GNG7: variants seen among roughly 807,000 people sequenced by gnomAD.
GNG7 encodes the protein guanine nucleotide-binding protein G(I)/G(S)/G(O) subunit gamma-7.
GNG7 carries 1 observed loss-of-function variant against 4.0 expected under a neutral mutation model. The ratio of observed to expected loss-of-function variants is 0.25; its 90% confidence interval spans 0.09 to 1.18. The LOEUF is 1.18. Ranked by LOEUF, GNG7 falls within the 50% of genes most tolerant of loss-of-function variation. GNG7 has a pLI of 0.50. For missense variants in GNG7, 86 were observed against 91.9 expected, an observed-to-expected ratio of 0.94 and a Z score of 0.26; for synonymous variants, 34 against 36.9, an observed-to-expected ratio of 0.92 and a Z score of 0.29.
intron 3 of GNG7, among the ~76,000 whole-genome samples, chr19:2,523,805 C>T (rs555747935): frequency 6.6e-6 from 1 of 152,236 alleles, no homozygotes; most frequent in East Asian, 1.9e-4. Context: ...TGTGACTCCA[C>T]GGCGATCTCA....
intron 2 of GNG7, among the ~76,000 whole-genome samples, chr19:2,636,913 C>T (rs573901133): frequency 1.7e-4 from 26 of 151,890 alleles, no homozygotes; most frequent in Non-Finnish European, 3.2e-4. Flanking sequence ...AACCCAACTA[C>T]GCACACCTGC....
chr19:2,582,563 G>A (rs1980532726), intron 2 of GNG7, among the ~76,000 whole-genome samples: 1 of 151,126 alleles, frequency 6.6e-6, no homozygotes, highest in Non-Finnish European at 1.5e-5. Context: ...CCTCACTGCA[G>A]CTTGGACTTC....
intron 1 of GNG7, among the ~76,000 whole-genome samples, chr19:2,663,728 A>C (rs1405470488): frequency 6.6e-6 from 1 of 152,224 alleles, no homozygotes. Flanking sequence ...AAAATGATTC[A>C]TTTTGGCATT....
chr19:2,587,259 C>T (rs892868512), intron 2 of GNG7, among the ~76,000 whole-genome samples: 3 of 152,250 alleles, frequency 2.0e-5, no homozygotes, highest in Non-Finnish European at 2.9e-5. Context: ...GGGTCTCTGC[C>T]TGGACCGAAG....
rs192071092 is a variant in GNG7 at position 2,565,741 on chromosome 19, T to A, written c.-77-10553A>T. 1.2e-4 allele frequency among the ~76,000 whole-genome samples: 19 copies of A among 152,240 alleles called. 1 individual carries two copies. Among genetic ancestry groups the A allele is most frequent in the African/African-American group, 4.6e-4 (19 of 41,536 alleles). On this transcript the variant is annotated intron_variant, in intron 2 of 4. Coordinates refer to ENST00000382159, the MANE Select transcript of GNG7 (RefSeq NM_052847.3). ...GGGCAGTTGAGACTCCAGGTGACAG[T>A]TACCGGCAGCTCAGGGTGGAGGCTG... is the stretch of plus-strand genomic sequence containing the variant.
At chr19:2,592,483 C>T (rs1186955510) in intron 2 of GNG7, among the ~76,000 whole-genome samples, 3 of 152,012 alleles carry the variant, frequency 2.0e-5, no homozygotes, top group South Asian at 2.1e-4. Context: ...GCCTGTAATC[C>T]CAGCACTTTG....
intron 2 of GNG7, chr19:2,610,324 CT>C (rs35087960): frequency 0.8 from 113,815 of 141,464 alleles, 46,368 homozygotes; most frequent in Non-Finnish European, 0.88. Context: ...CCACACCTGG[CT>C]TTTTTTTTTT....
chr19:2,647,486 G>A (rs1024846287), intron 1 of GNG7, among the ~76,000 whole-genome samples: 14 of 152,172 alleles, frequency 9.2e-5, no homozygotes, highest in Admixed American at 7.2e-4. Flanking sequence ...TCACAAGGAG[G>A]CCTCATGCGG....
At chr19:2,550,125 T>G (rs1979268543) in intron 3 of GNG7, among the ~76,000 whole-genome samples, 2 of 152,022 alleles carry the variant, frequency 1.3e-5, no homozygotes, top group East Asian at 1.9e-4. Flanking sequence ...GGGGAAAGAG[T>G]GTTTGGGTTG....
At chr19:2,547,827 C>T (rs1376337835) in intron 3 of GNG7, among the ~76,000 whole-genome samples, 1 of 152,188 alleles carries the variant, frequency 6.6e-6, no homozygotes, top group African/African-American at 2.4e-5. Context: ...CCAGGCAGCC[C>T]TCGGATGTGA....
rs955877711 is a variant in GNG7 at position 2,673,819 on chromosome 19, G to C, written c.-134-27539C>G. Among the ~76,000 whole-genome samples the C allele has an allele frequency of 3.9e-5, 6 of 151,968 alleles. 1 individual carries two copies. The highest frequency in any genetic ancestry group is 1.4e-4 in the African/African-American group (6 of 41,396). ...ATTTCTTTCTTTCTTTTTTTAGAGA[G>C]AGGGCCTTGTACTGCTTTTGTATAT... On this transcript the variant is annotated intron_variant, in intron 1 of 4. Transcript: ENST00000382159.
At chr19:2,680,571 A>AT (rs967188330) in intron 1 of GNG7, among the ~76,000 whole-genome samples, 11,022 of 125,976 alleles carry the variant, frequency 0.087, 731 homozygotes, top group Middle Eastern at 0.18. Flanking sequence ...AAAATTTACA[A>AT]TTTTTTTTTT....
chr19:2,517,946 G>A (rs1310047541), intron 4 of GNG7, among the ~76,000 whole-genome samples: 2 of 152,214 alleles, frequency 1.3e-5, no homozygotes, highest in Non-Finnish European at 2.9e-5. Context: ...GGACGCTCAT[G>A]CCCACAGAGT....
chr19:2,596,332 C>G (rs1004581704), intron 2 of GNG7, among the ~76,000 whole-genome samples: 1 of 151,388 alleles, frequency 6.6e-6, no homozygotes, highest in Admixed American at 6.6e-5. Context: ...GCACTGCAGC[C>G]TGGGCGACAG....
chr19:2,595,517 T>C (rs62123683), intron 2 of GNG7, among the ~76,000 whole-genome samples: 107,536 of 151,458 alleles, frequency 0.71, 38,911 homozygotes, highest in Admixed American at 0.78. Context: ...GTGGATTGCC[T>C]GAGCTCAGGA....
intron 2 of GNG7, among the ~76,000 whole-genome samples, chr19:2,572,342 C>T (rs376898116): frequency 3.9e-5 from 6 of 152,056 alleles, no homozygotes; most frequent in South Asian, 2.1e-4. Flanking sequence ...TTTGTAGAGA[C>T]GGGTTTCGCT....
chr19:2,574,530 G>A (rs943591862), intron 2 of GNG7, among the ~76,000 whole-genome samples: 1 of 152,146 alleles, frequency 6.6e-6, no homozygotes, highest in Non-Finnish European at 1.5e-5. Context: ...GGTCCTCAAG[G>A]TTCATCCACG....
intron 2 of GNG7, among the ~76,000 whole-genome samples, chr19:2,641,339 C>G (rs942305797): frequency 6.6e-6 from 1 of 152,160 alleles, no homozygotes; most frequent in African/African-American, 2.4e-5. Flanking sequence ...CAGGTCAGCT[C>G]CATGTCAAAA....
chr19:2,523,881 G>A (rs1025592588), intron 3 of GNG7, among the ~76,000 whole-genome samples: 1 of 152,066 alleles, frequency 6.6e-6, no homozygotes, highest in African/African-American at 2.4e-5. Flanking sequence ...TCCAGCAGAC[G>A]TCCCACCCCC....
Sources: allele counts gnomAD v4.1 joint callset (sites outside exome capture counted in the v4.1 genomes callset), GRCh38; gene constraint gnomAD v4.1.1; transcripts MANE v1.5; gene names NCBI Gene and HGNC (gene_info 2026-07-23, HGNC 2026-07-21).